ME1: variants seen among roughly 807,000 people sequenced by gnomAD.
The protein encoded by ME1 is NADP-dependent malic enzyme.
Under a neutral mutation model 66.4 loss-of-function variants are expected in ME1, and 74 were observed. That is an observed-to-expected ratio of 1.11 (90% confidence interval 0.92 to 1.35). The LOEUF is 1.35. Among genes scored for constraint, ME1 ranks in the 40% most tolerant of loss-of-function variants. The pLI is 0.00. For synonymous variants in ME1, 251 were observed against 235.6 expected (o/e 1.07, Z -0.60); for missense variants, 750 against 694.1 (o/e 1.08, Z -0.90).
chr6:83,361,752 G>C (rs1583401178), intron 3 of ME1, among the ~76,000 whole-genome samples: 1 of 152,170 alleles, frequency 6.6e-6, no homozygotes. Context: ...CATGTGACCT[G>C]AACTGCCTGT....
chr6:83,240,903 CT>C (rs1404437525), intron 7 of ME1, among the ~76,000 whole-genome samples: 1 of 152,046 alleles, frequency 6.6e-6, no homozygotes, highest in Non-Finnish European at 1.5e-5. Flanking sequence ...CCATATGTGC[CT>C]TTTCTTTAGG....
chr6:83,215,315 C>T (rs1261874716), intron 13 of ME1, among the ~76,000 whole-genome samples: 1 of 152,126 alleles, frequency 6.6e-6, no homozygotes. Context: ...GTTGATACAA[C>T]TGAGCAGATG....
intron 7 of ME1, among the ~76,000 whole-genome samples, chr6:83,244,258 C>T (rs2128526706): frequency 6.6e-6 from 1 of 152,174 alleles, no homozygotes; most frequent in East Asian, 1.9e-4. Flanking sequence ...CCAACCAAGT[C>T]ACCTTACAGT....
chr6:83,277,678 G>A (rs960530521), intron 6 of ME1, among the ~76,000 whole-genome samples: 1 of 152,008 alleles, frequency 6.6e-6, no homozygotes, highest in Non-Finnish European at 1.5e-5. Flanking sequence ...GAGGCAGGCA[G>A]ATCACTTGAG....
chr6:83,225,214 A>AG (rs1400990621), intron 11 of ME1, among the ~76,000 whole-genome samples: 2 of 150,890 alleles, frequency 1.3e-5, no homozygotes, highest in East Asian at 3.9e-4. Flanking sequence ...TCAAAAAAAA[A>AG]AAAAAAAAAA....
chr6:83,243,359 T>A (rs1466489708), intron 7 of ME1, among the ~76,000 whole-genome samples: 1 of 136,214 alleles, frequency 7.3e-6, no homozygotes, highest in Non-Finnish European at 1.5e-5. Context: ...TATATTTATA[T>A]AATATATTAT....
intron 7 of ME1, among the ~76,000 whole-genome samples, chr6:83,246,819 C>A (rs930743207): frequency 6.6e-6 from 1 of 152,082 alleles, no homozygotes; most frequent in Non-Finnish European, 1.5e-5. Context: ...ATCTATACTT[C>A]TACCATCAAT....
At chr6:83,362,975 A>C (rs1204127772) in intron 3 of ME1, among the ~76,000 whole-genome samples, 4 of 152,186 alleles carry the variant, frequency 2.6e-5, no homozygotes, top group African/African-American at 7.2e-5. Flanking sequence ...GGCCTTTTGA[A>C]GTCACAGTTA....
chr6:83,420,894 GTTGTTT>G (rs922224326), intron 1 of ME1, among the ~76,000 whole-genome samples: 51 of 151,970 alleles, frequency 3.4e-4, no homozygotes, highest in Admixed American at 8.5e-4. Flanking sequence ...TTTTGTTGTT[GTTGTTT>G]TTGTTTTTGT....
At chr6:83,403,929 T>C (rs2128551366) in intron 2 of ME1, among the ~76,000 whole-genome samples, 1 of 152,318 alleles carries the variant, frequency 6.6e-6, no homozygotes, top group Admixed American at 6.5e-5. Context: ...GTTGGTTCCA[T>C]GTCTTTGCTA....
At chr6:83,413,155 T>G (rs1770084387) in intron 1 of ME1, among the ~76,000 whole-genome samples, 1 of 152,182 alleles carries the variant, frequency 6.6e-6, no homozygotes, top group Non-Finnish European at 1.5e-5. Flanking sequence ...AACAGGCACA[T>G]GCCACCATGC....
chr6:83,275,920 C>T lies in ME1; in HGVS notation c.705-22182G>A, dbSNP rs1267864183. Among the ~76,000 whole-genome samples, 3 of 150,722 alleles carry T rather than the reference C, an allele frequency of 2.0e-5. No homozygotes were observed. In the East Asian group the frequency reaches 5.9e-4, roughly 29 times the overall value. On this transcript the variant is annotated intron_variant, in intron 6 of 13. Transcript: ENST00000369705. ...GAGTAGCTGGGACTACAGGTGCACA[C>T]CACCACGCCCAGCTAATTTTTTTGT... is the stretch of plus-strand genomic sequence containing the variant.
chr6:83,343,951 C>T (rs1280629675), intron 5 of ME1, among the ~76,000 whole-genome samples: 2 of 152,070 alleles, frequency 1.3e-5, no homozygotes, highest in East Asian at 1.9e-4. Flanking sequence ...CACTAGTGCA[C>T]AGCTTTTTTT....
At chr6:83,346,054 G>A (rs757807567) in intron 5 of ME1, 119 bp downstream of exon 5, 2 of 779,742 alleles carry the variant, frequency 2.6e-6, no homozygotes, top group Non-Finnish European at 3.9e-6. Flanking sequence ...GATTTGGAGA[G>A]AGAAAGAGAA....
chr6:83,348,710 T>C (rs1768733401), intron 4 of ME1, among the ~76,000 whole-genome samples: 1 of 149,244 alleles, frequency 6.7e-6, no homozygotes, highest in East Asian at 2.0e-4. Flanking sequence ...AGTGGGCCAA[T>C]TGCAGTAGCT....
intron 3 of ME1, chr6:83,392,768 C>T (rs374245138): frequency 6.4e-5 from 43 of 672,828 alleles, no homozygotes; most frequent in South Asian, 3.2e-4. Flanking sequence ...GGAGCCAAAA[C>T]GGTCATCATC....
intron 1 of ME1, among the ~76,000 whole-genome samples, chr6:83,417,356 TTTTTTTGTTG>T (rs986792556): frequency 2.1e-5 from 3 of 144,804 alleles, no homozygotes; most frequent in African/African-American, 5.2e-5. Flanking sequence ...ACTAACATGT[TTTTTTTGTTG>T]TTTTTTGTTG....
intron 3 of ME1, among the ~76,000 whole-genome samples, chr6:83,374,606 T>A (rs1405575758): frequency 6.6e-6 from 1 of 152,250 alleles, no homozygotes; most frequent in East Asian, 1.9e-4. Context: ...TTTAAGTAGA[T>A]CCCATTTGTC....
chr6:83,214,841 G>C (rs1042429270), intron 13 of ME1, among the ~76,000 whole-genome samples: 2 of 151,928 alleles, frequency 1.3e-5, no homozygotes, highest in Non-Finnish European at 2.9e-5. Flanking sequence ...CTCTGAAGTT[G>C]GTTCTTTGTT....
Sources: gnomAD v4.1 joint callset for allele counts (sites outside exome capture counted in the v4.1 genomes callset) on GRCh38, gnomAD v4.1.1 for gene constraint, MANE v1.5 for transcripts, NCBI Gene and HGNC (gene_info 2026-07-23, HGNC 2026-07-21) for gene names.